Variants in UNC13C observed in about 807,000 individuals in gnomAD.
UNC13C encodes unc-13 homolog C.
A neutral mutation model predicts 245.4 loss-of-function variants in UNC13C; 174 were observed. The ratio of observed to expected loss-of-function variants is 0.71; its 90% CI spans 0.63 to 0.80. The LOEUF (loss-of-function observed/expected upper bound fraction) is 0.80. Among genes scored for constraint, UNC13C ranks in the 30% least tolerant of loss-of-function variants. The pLI is 0.00. For synonymous variants in UNC13C, 992 were observed against 895.1 expected (o/e 1.11, Z -1.93); for missense variants, 2,829 against 2,602.9 (o/e 1.09, Z -1.89).
At chr15:54,430,546 C>T (rs1207943189) in intron 19 of UNC13C, among the ~76,000 whole-genome samples, 1 of 151,490 alleles carries the variant, frequency 6.6e-6, no homozygotes, top group Non-Finnish European at 1.5e-5. Flanking sequence ...AGCCTCTCAA[C>T]ATCATATAAG....
intron 2 of UNC13C, among the ~76,000 whole-genome samples, chr15:54,079,147 T>C (rs564530931): frequency 5.3e-5 from 8 of 152,296 alleles, no homozygotes; most frequent in African/African-American, 1.9e-4. Flanking sequence ...TTCTGTGTTC[T>C]CTATTCTGTT....
At chr15:54,180,305 T>A (rs2033755263) in intron 4 of UNC13C, among the ~76,000 whole-genome samples, 1 of 152,106 alleles carries the variant, frequency 6.6e-6, no homozygotes, top group African/African-American at 2.4e-5. Context: ...GGCCTCCAGC[T>A]GCATCCATGC....
At chr15:54,468,660 G>A (rs1399793177) in intron 19 of UNC13C, among the ~76,000 whole-genome samples, 1 of 151,492 alleles carries the variant, frequency 6.6e-6, no homozygotes, top group African/African-American at 2.4e-5. Flanking sequence ...TCATTCTTTT[G>A]CATGTGGCTA....
chr15:54,014,188 A>T lies in UNC13C; in HGVS notation c.1285A>T (p.Ser429Cys). 6.2e-7 allele frequency: 1 copy of T among 1,613,954 alleles called. No homozygotes were observed. The highest frequency in any genetic ancestry group is 1.7e-4 in the Middle Eastern group (1 of 6,060). The change falls in exon 2 of 33, where the codon AGC becomes TGC. Residue 429 changes from serine (S) to cysteine (C), a missense_variant. By Grantham distance (112) the Ser-to-Cys change is moderately radical. Transcript: ENST00000260323. ...GATACCATCCTCCCAGACATATGAGAGCATGGCTATAAAGTTGTCTACTCC... is the reference window on the plus strand; with the variant it reads ...GATACCATCCTCCCAGACATATGAGTGCATGGCTATAAAGTTGTCTACTCC... ...KGIPSSQTYE[S>C]MAIKLSTPEP...
intron 2 of UNC13C, among the ~76,000 whole-genome samples, chr15:54,093,849 T>C (rs1899703453): frequency 6.6e-6 from 1 of 152,208 alleles, no homozygotes; most frequent in Non-Finnish European, 1.5e-5. Context: ...AAATGGTCTT[T>C]TCTCAGTTCA....
chr15:54,000,428 C>T (rs1218961811), intron 1 of UNC13C, among the ~76,000 whole-genome samples: 1 of 152,026 alleles, frequency 6.6e-6, no homozygotes, highest in Non-Finnish European at 1.5e-5. Context: ...AAAACTAAGT[C>T]AAATGAAAAT....
At chr15:54,024,691 G>A (rs1896032629) in intron 2 of UNC13C, among the ~76,000 whole-genome samples, 1 of 152,088 alleles carries the variant, frequency 6.6e-6, no homozygotes, top group Non-Finnish European at 1.5e-5. Context: ...GGCCGAGGCG[G>A]GCGGATCACG....
intron 19 of UNC13C, among the ~76,000 whole-genome samples, chr15:54,448,567 G>T (rs573596037): frequency 7.2e-5 from 11 of 152,262 alleles, no homozygotes; most frequent in African/African-American, 2.4e-4. Flanking sequence ...TTGGTTTAAA[G>T]TCTGTTTTAT....
At chr15:54,002,540 A>G (rs2140976542) in intron 1 of UNC13C, among the ~76,000 whole-genome samples, 1 of 152,220 alleles carries the variant, frequency 6.6e-6, no homozygotes, top group East Asian at 1.9e-4. Flanking sequence ...GCCTTGGTAT[A>G]GGACACTCGG....
intron 30 of UNC13C, among the ~76,000 whole-genome samples, chr15:54,612,964 C>G (rs1345408245): frequency 6.6e-6 from 1 of 151,778 alleles, no homozygotes; most frequent in Non-Finnish European, 1.5e-5. Context: ...CAGTGGGGTC[C>G]TAATTTTGTG....
chr15:53,960,420 C>G, the UNC13C span, among the ~76,000 whole-genome samples: 16 of 151,462 alleles, frequency 1.1e-4, no homozygotes, highest in Non-Finnish European at 2.1e-4. Context: ...TTGAGAGACT[C>G]TTTTGTATTC....
chr15:54,231,894 G>T (rs1326663925), intron 4 of UNC13C, among the ~76,000 whole-genome samples: 2 of 151,992 alleles, frequency 1.3e-5, no homozygotes, highest in South Asian at 4.1e-4. Flanking sequence ...TTAAGATCTT[G>T]CCTAGAAAGT....
At chr15:54,106,327 CTGATGTTCA>C (rs1389097458) in intron 2 of UNC13C, among the ~76,000 whole-genome samples, 1 of 152,136 alleles carries the variant, frequency 6.6e-6, no homozygotes, top group Non-Finnish European at 1.5e-5. Context: ...TGAATCATTA[CTGATGTTCA>C]AGTCTTGAAG....
intron 4 of UNC13C, among the ~76,000 whole-genome samples, chr15:54,153,169 A>G (rs376457675): frequency 8.5e-5 from 13 of 152,212 alleles, no homozygotes; most frequent in African/African-American, 3.1e-4. Context: ...TGTAATCCAT[A>G]TTTTCAGATA....
intron 30 of UNC13C, among the ~76,000 whole-genome samples, chr15:54,568,509 GT>G (rs1308977148): frequency 1.3e-5 from 2 of 151,990 alleles, no homozygotes; most frequent in East Asian, 3.9e-4. Context: ...ATGTGTCAAA[GT>G]TTCCACCTCA....
intron 30 of UNC13C, among the ~76,000 whole-genome samples, chr15:54,598,842 T>C (rs1012969679): frequency 2.0e-5 from 3 of 152,144 alleles, no homozygotes; most frequent in African/African-American, 7.2e-5. Flanking sequence ...TTAGCTGTAT[T>C]GTACTGAGGC....
At chr15:54,333,607 A>C (rs1208072261) in intron 15 of UNC13C, among the ~76,000 whole-genome samples, 160 bp from the exon 16 acceptor site, 1 of 152,098 alleles carries the variant, frequency 6.6e-6, no homozygotes, top group Non-Finnish European at 1.5e-5. Context: ...TACGTTCTAT[A>C]ATGTTTTATG....
chr15:54,295,496 A>G (rs1020821566), intron 11 of UNC13C, among the ~76,000 whole-genome samples: 50 of 152,034 alleles, frequency 3.3e-4, no homozygotes, highest in Admixed American at 5.2e-4. Context: ...AAAAATTTAA[A>G]AAATATTAGC....
At chr15:54,415,784 A>G (rs573824981) in intron 19 of UNC13C, among the ~76,000 whole-genome samples, 2 of 152,304 alleles carry the variant, frequency 1.3e-5, no homozygotes, top group Admixed American at 1.3e-4. Context: ...ACCCTCATCA[A>G]GATTGCAGAG....
Sources: gnomAD v4.1 joint callset for allele counts (sites outside exome capture counted in the v4.1 genomes callset) on GRCh38, gnomAD v4.1.1 for gene constraint, MANE v1.5 for transcripts, NCBI Gene and HGNC (gene_info 2026-07-23, HGNC 2026-07-21) for gene names.